MBP: variants seen among roughly 807,000 people sequenced by gnomAD.
The protein encoded by MBP is Golli-MBP.
A neutral mutation model predicts 35.8 loss-of-function variants in MBP; 16 were observed. That is an observed-to-expected ratio of 0.45 (90% CI 0.30 to 0.68). MBP has a LOEUF of 0.68. Ranked by LOEUF, MBP falls within the 30% of genes least tolerant of loss-of-function variation. The probability of loss-of-function intolerance (pLI) is 0.08; values close to 1 mark genes in which losing one functional copy is unlikely to be tolerated. For missense variants in MBP, 380 were observed against 404.7 expected (o/e 0.94, Z 0.52); for synonymous variants, 143 against 159.6 (o/e 0.90, Z 0.78).
intron 3 of MBP, among the ~76,000 whole-genome samples, chr18:77,038,114 A>T (rs1404613454): frequency 6.6e-6 from 1 of 152,246 alleles, no homozygotes; most frequent in Non-Finnish European, 1.5e-5. Flanking sequence ...CTTCTCAATG[A>T]ATCTGCAAAG....
chr18:76,984,995 C>T (rs1033103019), intron 7 of MBP, 101 bp from the exon 8 acceptor site: 17 of 1,556,062 alleles, frequency 1.1e-5, no homozygotes, highest in Admixed American at 1.8e-5. Context: ...AGGGCCCAGG[C>T]CCCGGACTGG....
At position 76,979,595 on chromosome 18, in the gene MBP, G is replaced by A. The variant is rs1303562928; in HGVS notation, c.*832C>T. 3.7e-6 allele frequency: 1 copy of A among 273,680 alleles called. No homozygotes were observed. 17.0% of individuals were successfully genotyped at this position (273,680 alleles called of 1,614,324 possible). A position where few individuals can be genotyped will look rare whatever the true frequency, so the allele number is the denominator to read the frequency against. On this transcript the variant is annotated 3_prime_UTR_variant, in exon 9 of 9. Transcript: ENST00000355994. The stretch of plus-strand genomic sequence containing the variant: ...CGGCTGTGGGCTGTGGTTTGGAAAC[G>A]AGGTTGTTCATAGAGGCTGCTCTGG...
At chr18:77,014,612 C>T in intron 4 of MBP, 1 of 985,418 alleles carries the variant, frequency 1.0e-6, no homozygotes, top group Non-Finnish European at 1.2e-6. Context: ...CATGGCAGCC[C>T]ACCCAATGAA....
chr18:77,011,018 T>A (rs1435142829), intron 4 of MBP, among the ~76,000 whole-genome samples: 1 of 152,146 alleles, frequency 6.6e-6, no homozygotes, highest in Non-Finnish European at 1.5e-5. Flanking sequence ...TGAGTATGCA[T>A]GAGAATAGAG....
intron 4 of MBP, chr18:77,013,319 G>C: frequency 2.0e-6 from 2 of 985,478 alleles, no homozygotes; most frequent in Non-Finnish European, 2.4e-6. Flanking sequence ...TCTGGGGAGG[G>C]AGGACACCCC....
chr18:77,084,207 G>A (rs942562461), intron 2 of MBP, among the ~76,000 whole-genome samples: 2 of 152,042 alleles, frequency 1.3e-5, no homozygotes, highest in African/African-American at 2.4e-5. Context: ...ATTTTGTAGT[G>A]TAATTAAGAT....
At position 77,016,903 on chromosome 18, in the gene MBP, T is replaced by A. The variant is rs201286987; in HGVS notation, c.505A>T (p.Thr169Ser). The A allele has an allele frequency of 3.1e-6, 5 of 1,614,212 alleles. No individual in the cohort carries two copies. The East Asian group carries it at 1.1e-4, about 36-fold the overall frequency. The change falls in exon 4 of 9, where the codon ACG becomes TCG. Residue 169 changes from threonine (T) to serine (S), a missense_variant. By Grantham distance (58) the Thr-to-Ser change is moderately conservative (BLOSUM62 1). Coordinates refer to ENST00000355994, the MANE Select transcript of MBP (RefSeq NM_001025101.2). ...RHGFLPRHRD[T>S]GILDSIGRFF... ...CGCCCGATGGAGTCAAGGATGCCCG[T>A]GTCTCTGTGCCTTGGGAGGAAGCCA...
At chr18:76,986,198 C>G in intron 7 of MBP, 1 of 985,552 alleles carries the variant, frequency 1.0e-6, no homozygotes, top group Non-Finnish European at 1.2e-6. Context: ...ACTCAATGGA[C>G]AGGGTCCAGA....
intron 2 of MBP, among the ~76,000 whole-genome samples, chr18:77,099,364 G>A (rs905459688): frequency 1.3e-5 from 2 of 152,044 alleles, no homozygotes; most frequent in African/African-American, 4.8e-5. Flanking sequence ...TGCACCATGA[G>A]ATAAAATATA....
chr18:77,081,854 ATAT>A (rs1480686619), intron 2 of MBP, among the ~76,000 whole-genome samples: 2 of 15,068 alleles, frequency 1.3e-4, no homozygotes, highest in Non-Finnish European at 1.8e-4. Context: ...ATATATATAT[ATAT>A]TTTTTTTTTT....
At chr18:76,994,854 G>A (rs554878533) in intron 4 of MBP, among the ~76,000 whole-genome samples, 15 of 152,282 alleles carry the variant, frequency 9.9e-5, no homozygotes, top group African/African-American at 3.6e-4. Context: ...TCAGTGAATG[G>A]AATAATTTTC....
chr18:77,029,514 C>T (rs1215352461), intron 3 of MBP, among the ~76,000 whole-genome samples: 1 of 149,738 alleles, frequency 6.7e-6, no homozygotes, highest in African/African-American at 2.5e-5. Context: ...TGGGGTCTTG[C>T]CACGTTTCCC....
chr18:77,068,932 G>A, intron 2 of MBP: 2 of 458,876 alleles, frequency 4.4e-6, no homozygotes, highest in South Asian at 3.1e-5. Flanking sequence ...CCGCCACCAC[G>A]GAGCTGAGCC....
rs192634557 is a variant in MBP, at chr18:77,049,211, A to G, written c.139+17087T>C. Among the ~76,000 whole-genome samples, 321 of 152,148 alleles carry G rather than the reference A, an allele frequency of 2.1e-3. 1 individual carries two copies. The highest frequency in any genetic ancestry group is 7.1e-3 in the African/African-American group (293 of 41,494). On this transcript the variant is annotated intron_variant, in intron 3 of 8. Coordinates refer to ENST00000355994, the MANE Select transcript of MBP (RefSeq NM_001025101.2). ...TGGGATTACAGGTGTGAGCCACCGC[A>G]CCCGGCCGAGGGCAGGGTTTTTAAT...
intron 1 of MBP, among the ~76,000 whole-genome samples, chr18:77,120,324 G>T (rs894111226): frequency 6.6e-6 from 1 of 152,220 alleles, no homozygotes; most frequent in Admixed American, 6.5e-5. Flanking sequence ...GACCTCAGAC[G>T]CGCTGCACAC....
intron 3 of MBP, among the ~76,000 whole-genome samples, chr18:77,052,722 C>T (rs1423801549): frequency 1.3e-5 from 2 of 152,160 alleles, no homozygotes; most frequent in East Asian, 1.9e-4. Flanking sequence ...TGGAATAATC[C>T]CCCACGGGAA....
In MBP at chr18:77,020,859, G is replaced by A. The variant is rs1434740586; in HGVS notation, c.140-3591C>T. Among the ~76,000 whole-genome samples, 1 of 152,264 alleles carries A rather than the reference G, an allele frequency of 6.6e-6. No homozygotes were observed. The highest frequency in any genetic ancestry group is 1.5e-5 in the Non-Finnish European group (1 of 68,050). Reference sequence around the variant, plus strand: ...TAGCTCACCACAGGCCTGCCTAAGAGTGGACGGCTCCAGGCTGCAGTGTGA... The same window carrying A: ...TAGCTCACCACAGGCCTGCCTAAGAATGGACGGCTCCAGGCTGCAGTGTGA... On this transcript the variant is annotated intron_variant, in intron 3 of 8. Coordinates refer to ENST00000355994, the MANE Select transcript of MBP (RefSeq NM_001025101.2). This position sits in a 1 kb window ranked among gnomAD's most constrained non-coding sequence, Gnocchi z 4.1.
At position 77,118,765 on chromosome 18, in the gene MBP, C is replaced by T. The variant is rs1976793449; in HGVS notation, c.-25-13479G>A. On this transcript the variant is annotated intron_variant, in intron 1 of 8. Coordinates refer to ENST00000355994, the MANE Select transcript of MBP (RefSeq NM_001025101.2). ...AGACACCACACACACACCACACACACACACTCCAGATGCCACACACACTCC... is the reference window on the plus strand; with the variant it reads ...AGACACCACACACACACCACACACATACACTCCAGATGCCACACACACTCC... 6.7e-5 allele frequency among the ~76,000 whole-genome samples: 10 copies of T among 150,334 alleles called. 1 individual carries two copies. In the South Asian group the frequency reaches 2.1e-3, roughly 32 times the overall value.
In MBP at chr18:77,132,750, G is replaced by A. The variant is rs1977328573; in HGVS notation, c.-196C>T. On this transcript the variant is annotated 5_prime_UTR_variant, in exon 1 of 9. Coordinates refer to ENST00000355994, the MANE Select transcript of MBP (RefSeq NM_001025101.2). Reference sequence around the variant, plus strand: ...GGAGACAGGGGCCGCCGGGGCCGGAGGCTGCTTCTCTCTGGCGCGCGGCGG... The same window carrying A: ...GGAGACAGGGGCCGCCGGGGCCGGAAGCTGCTTCTCTCTGGCGCGCGGCGG... 6.6e-6 allele frequency: 1 copy of A among 152,042 alleles called. No homozygotes were observed. The highest frequency in any genetic ancestry group is 2.1e-4 in the South Asian group (1 of 4,842). The allele number at this position is 152,042 out of a possible 1,614,324, so 9.4% of individuals were successfully genotyped here. A position where few individuals can be genotyped will look rare whatever the true frequency, so the allele number is the denominator to read the frequency against.
Sources: allele counts gnomAD v4.1 joint callset (sites outside exome capture counted in the v4.1 genomes callset), GRCh38; gene constraint gnomAD v4.1.1; non-coding constraint Gnocchi (gnomAD v3.1); transcripts MANE v1.5; gene names NCBI Gene and HGNC (gene_info 2026-07-23, HGNC 2026-07-21).